GLRX3: variants seen among roughly 807,000 people sequenced by gnomAD.
The protein encoded by GLRX3 is glutaredoxin 3.
A neutral mutation model predicts 49.5 loss-of-function variants in GLRX3; 22 were observed. The observed-to-expected ratio is 0.44, with a 90% CI of 0.32 to 0.63. GLRX3 has a LOEUF of 0.63. Ranked by LOEUF, GLRX3 falls within the 30% of genes least tolerant of loss-of-function variation. The probability of loss-of-function intolerance (pLI) is 0.05; values close to 1 mark genes in which losing one functional copy is unlikely to be tolerated. For missense variants in GLRX3, 385 were observed against 396.3 expected (o/e 0.97, Z 0.24); for synonymous variants, 133 against 140.0 (o/e 0.95, Z 0.35).
At chr10:130,160,482 G>A (rs1020487482) in intron 3 of GLRX3, among the ~76,000 whole-genome samples, 1 of 152,212 alleles carries the variant, frequency 6.6e-6, no homozygotes, top group Admixed American at 6.5e-5. Flanking sequence ...ACCCATGGGT[G>A]TCATCGTAGT....
At chr10:130,165,492 AATTAC>A (rs535550072) in intron 4 of GLRX3, among the ~76,000 whole-genome samples, 33 of 152,238 alleles carry the variant, frequency 2.2e-4, no homozygotes, top group Admixed American at 1.2e-3. Context: ...GTAGTAAAAA[AATTAC>A]ATTACATACT....
intron 2 of GLRX3, among the ~76,000 whole-genome samples, chr10:130,158,112 G>C (rs1862511402): frequency 6.6e-6 from 1 of 152,142 alleles, no homozygotes. Flanking sequence ...AGTTGTGGTA[G>C]TTCTCAGCCT....
chr10:130,141,301 A>G (rs893590701), intron 1 of GLRX3, among the ~76,000 whole-genome samples: 2 of 152,180 alleles, frequency 1.3e-5, no homozygotes, highest in Admixed American at 1.3e-4. Context: ...TCTCAAAAAA[A>G]GAAAAAAAAA....
intron 6 of GLRX3, among the ~76,000 whole-genome samples, chr10:130,167,353 G>A (rs1862712859): frequency 6.6e-6 from 1 of 152,156 alleles, no homozygotes. Flanking sequence ...TGACTGCTGC[G>A]GGTGCTGCCC....
At chr10:130,154,972 T>A (rs1041692447) in intron 2 of GLRX3, among the ~76,000 whole-genome samples, 2 of 151,978 alleles carry the variant, frequency 1.3e-5, no homozygotes, top group Admixed American at 1.3e-4. Flanking sequence ...GGAAGAGAGA[T>A]CTTTCTTTTT....
intron 8 of GLRX3, among the ~76,000 whole-genome samples, chr10:130,174,112 G>A (rs1862867994): frequency 6.6e-6 from 1 of 152,236 alleles, no homozygotes; most frequent in African/African-American, 2.4e-5. Context: ...TTTTGTACAA[G>A]TAATGTTCAT....
In GLRX3 at chr10:130,144,286, C is replaced by CTTT. The variant is rs111691897; in HGVS notation, c.93-910_93-908dup. 7.5e-3 allele frequency among the ~76,000 whole-genome samples: 870 copies of CTTT among 116,186 alleles called. 15 individuals carry two copies. The highest frequency in any genetic ancestry group is 0.026 in the African/African-American group (828 of 31,614). 76.2% of individuals were successfully genotyped at this position (116,186 alleles called of 152,430 possible). Reference sequence around the variant, plus strand: ...CTGAAAATATGGTTGATTTGCCTGGCTTTTTTTTTTTTTTTTTCGTTTACT... The same window carrying CTTT: ...CTGAAAATATGGTTGATTTGCCTGGCTTTTTTTTTTTTTTTTTTTTCGTTTACT... On this transcript the variant is annotated intron_variant, in intron 1 of 10. Transcript: ENST00000331244.
At chr10:130,152,272 A>G (rs1862392342) in intron 2 of GLRX3, among the ~76,000 whole-genome samples, 1 of 151,954 alleles carries the variant, frequency 6.6e-6, no homozygotes, top group Non-Finnish European at 1.5e-5. Context: ...ACCTGCCTCA[A>G]CCTCCCGAAG....
chr10:130,147,529 G>T (rs1381005105), intron 2 of GLRX3, among the ~76,000 whole-genome samples: 2 of 152,200 alleles, frequency 1.3e-5, no homozygotes, highest in Non-Finnish European at 2.9e-5. Flanking sequence ...GACTGCACCT[G>T]CCACTCATGA....
intron 4 of GLRX3, 59 bp from the exon 5 acceptor site, chr10:130,166,445 TATC>T (rs1232067711): frequency 1.7e-6 from 2 of 1,190,452 alleles, no homozygotes; most frequent in African/African-American, 1.5e-5. Flanking sequence ...ACTAATGTAT[TATC>T]ATGTGTATGT....
chr10:130,166,093 C>G (rs1044977772), intron 4 of GLRX3, among the ~76,000 whole-genome samples: 46 of 152,338 alleles, frequency 3.0e-4, no homozygotes, highest in African/African-American at 9.4e-4. Context: ...CTTCTGGGCT[C>G]AAGTGAGCCT....
At chr10:130,152,723 T>A (rs570948990) in intron 2 of GLRX3, among the ~76,000 whole-genome samples, 56 of 152,286 alleles carry the variant, frequency 3.7e-4, no homozygotes, top group African/African-American at 1.3e-3. Flanking sequence ...TCTCTCTGGC[T>A]GCCCTTAACA....
At chr10:130,166,429 C>T (rs936150899) in intron 4 of GLRX3, 78 bp from the exon 5 acceptor site, 31 of 1,007,158 alleles carry the variant, frequency 3.1e-5, no homozygotes, top group Middle Eastern at 2.8e-4. Flanking sequence ...ATGATATGTA[C>T]GCTGAACTAA....
chr10:130,175,020 C>T lies in GLRX3; in HGVS notation c.888C>T (p.Tyr296=). 1 of 1,609,478 alleles carries T rather than the reference C, an allele frequency of 6.2e-7. No individual in the cohort carries two copies. Among genetic ancestry groups the T allele is most frequent in the Non-Finnish European group, 8.5e-7 (1 of 1,175,874 alleles). ...DEEVRQGLKA[Y]SNWPTYPQLY... ...AGGTTCGGCAAGGATTAAAAGCTTA[C>T]TCAAATTGGCCAACATACCCTCAGC... The change falls in exon 10 of 11, where the codon TAC becomes TAT. Residue 296 remains tyrosine (Y), a synonymous_variant. Coordinates refer to ENST00000331244, the MANE Select transcript of GLRX3 (RefSeq NM_006541.5).
intron 5 of GLRX3, 49 bp downstream of exon 5, chr10:130,166,728 T>A (rs1305257122): frequency 1.6e-6 from 2 of 1,280,388 alleles, no homozygotes; most frequent in African/African-American, 3.0e-5. Context: ...ATTTAGAGCA[T>A]ACTTTTTAAA....
intron 1 of GLRX3, among the ~76,000 whole-genome samples, chr10:130,140,416 T>C (rs750238692): frequency 6.6e-6 from 1 of 152,266 alleles, no homozygotes; most frequent in Non-Finnish European, 1.5e-5. Context: ...AGATATAGTA[T>C]GTCCTTATAA....
intron 1 of GLRX3, among the ~76,000 whole-genome samples, chr10:130,141,762 G>A (rs1862180055): frequency 1.3e-5 from 2 of 152,178 alleles, no homozygotes; most frequent in South Asian, 4.1e-4. Context: ...GCTGCTGTGA[G>A]CATTCTTGCA....
At chr10:130,174,512 G>A (rs1309679515) in intron 8 of GLRX3, among the ~76,000 whole-genome samples, 1 of 152,212 alleles carries the variant, frequency 6.6e-6, no homozygotes, top group Non-Finnish European at 1.5e-5. Flanking sequence ...CATTGTCTGT[G>A]GCTGCTTTTA....
At chr10:130,169,269 A>T (rs1251814348) in intron 6 of GLRX3, among the ~76,000 whole-genome samples, 164 bp from the exon 7 acceptor site, 1 of 152,170 alleles carries the variant, frequency 6.6e-6, no homozygotes, top group East Asian at 1.9e-4. Flanking sequence ...TTAGGGAGAG[A>T]ATGAAATCAA....
Sources: allele counts gnomAD v4.1 joint callset (sites outside exome capture counted in the v4.1 genomes callset), GRCh38; gene constraint gnomAD v4.1.1; transcripts MANE v1.5; gene names NCBI Gene and HGNC (gene_info 2026-07-23, HGNC 2026-07-21).